GNB4: variants seen among roughly 807,000 people sequenced by gnomAD.
GNB4 encodes the protein guanine nucleotide-binding protein subunit beta-4.
Under a neutral mutation model 45.2 loss-of-function variants are expected in GNB4, and 28 were observed. That is an observed-to-expected ratio of 0.62 (90% CI 0.46 to 0.85). The LOEUF (loss-of-function observed/expected upper bound fraction) is 0.85, where lower values mean the gene tolerates loss of function less well. Ranked by LOEUF, GNB4 falls within the 40% of genes least tolerant of loss-of-function variation. The pLI, the probability that GNB4 is intolerant of heterozygous loss-of-function variation, is 0.00. For missense variants in GNB4, 321 were observed against 425.4 expected (o/e 0.75, Z 2.16); for synonymous variants, 132 against 143.7 (o/e 0.92, Z 0.58).
At chr3:179,458,093 C>T in the GNB4 span, among the ~76,000 whole-genome samples, 1 of 152,078 alleles carries the variant, frequency 6.6e-6, no homozygotes, top group Non-Finnish European at 1.5e-5. Flanking sequence ...TCAGTACAGA[C>T]GGGGTTTCAC....
upstream of GNB4, among the ~76,000 whole-genome samples, chr3:179,455,507 G>T (rs571281365): frequency 6.6e-6 from 1 of 152,164 alleles, no homozygotes; most frequent in Middle Eastern, 3.2e-3. Flanking sequence ...CAACACTGGT[G>T]CCATCTCTCA....
chr3:179,471,161 A>C, the GNB4 span, among the ~76,000 whole-genome samples: 4 of 139,392 alleles, frequency 2.9e-5, no homozygotes, highest in Non-Finnish European at 6.2e-5. Flanking sequence ...CCTGGGCAAC[A>C]GAGCGAGACT....
At chr3:179,525,282 G>T in the GNB4 span, among the ~76,000 whole-genome samples, 1 of 152,198 alleles carries the variant, frequency 6.6e-6, no homozygotes, top group African/African-American at 2.4e-5. Context: ...TATCGAGTTT[G>T]TATTGGGGCC....
chr3:179,454,677 G>A (rs568671094), upstream of GNB4, among the ~76,000 whole-genome samples: 1 of 152,060 alleles, frequency 6.6e-6, no homozygotes, highest in East Asian at 1.9e-4. Flanking sequence ...GCTCTCAGAC[G>A]ATGCCAAGCA....
chr3:179,470,953 G>A, the GNB4 span, among the ~76,000 whole-genome samples: 4 of 152,122 alleles, frequency 2.6e-5, no homozygotes, highest in South Asian at 2.1e-4. Flanking sequence ...ACTGAGGAGG[G>A]CGGATCACGA....
the GNB4 span, among the ~76,000 whole-genome samples, chr3:179,497,737 A>C: frequency 6.6e-5 from 10 of 152,318 alleles, 1 homozygote; most frequent in African/African-American, 2.4e-4. Context: ...CGAGCAAAGC[A>C]CCTGAATGGA....
chr3:179,499,053 T>C, the GNB4 span, among the ~76,000 whole-genome samples: 1 of 152,086 alleles, frequency 6.6e-6, no homozygotes, highest in Non-Finnish European at 1.5e-5. Flanking sequence ...CTGAGAATGA[T>C]GGTTTCCAGC....
At chr3:179,460,059 T>C in the GNB4 span, among the ~76,000 whole-genome samples, 1 of 152,242 alleles carries the variant, frequency 6.6e-6, no homozygotes, top group African/African-American at 2.4e-5. Flanking sequence ...GAAATAAACT[T>C]GAGTTCTCAT....
intron 1 of GNB4, among the ~76,000 whole-genome samples, chr3:179,434,488 AGGT>A (rs1425143001): frequency 6.6e-6 from 1 of 152,260 alleles, no homozygotes; most frequent in East Asian, 1.9e-4. Flanking sequence ...TGAGAGGCTG[AGGT>A]GGGAAGATCA....
At chr3:179,482,551 A>G in the GNB4 span, among the ~76,000 whole-genome samples, 2 of 152,166 alleles carry the variant, frequency 1.3e-5, no homozygotes, top group Non-Finnish European at 2.9e-5. Context: ...CTTTCCTTCC[A>G]TCTCATAACT....
intron 1 of GNB4, among the ~76,000 whole-genome samples, chr3:179,447,273 A>G (rs1244857599): frequency 3.3e-5 from 5 of 150,458 alleles, no homozygotes; most frequent in Admixed American, 2.7e-4. Context: ...GAAGAGAGTG[A>G]GCAGGGCAGA....
chr3:179,502,441 C>T, the GNB4 span, among the ~76,000 whole-genome samples: 1 of 151,812 alleles, frequency 6.6e-6, no homozygotes, highest in African/African-American at 2.4e-5. Flanking sequence ...CTATGTTGGC[C>T]ACGCTGCTCT....
the GNB4 span, among the ~76,000 whole-genome samples, chr3:179,523,723 G>A: frequency 6.6e-6 from 1 of 152,104 alleles, no homozygotes; most frequent in African/African-American, 2.4e-5. Flanking sequence ...GGATAGTAAT[G>A]GGCGTGTGAT....
At chr3:179,431,068 A>G (rs2108608492) in intron 1 of GNB4, among the ~76,000 whole-genome samples, 1 of 152,328 alleles carries the variant, frequency 6.6e-6, no homozygotes, top group African/African-American at 2.4e-5. Flanking sequence ...AACAGAAATT[A>G]TTTAATATCT....
chr3:179,428,135 T>C (rs1715199969), intron 1 of GNB4, among the ~76,000 whole-genome samples: 2 of 152,222 alleles, frequency 1.3e-5, no homozygotes, highest in Non-Finnish European at 1.5e-5. Context: ...TATTTATTCT[T>C]TCAGAATTCA....
chr3:179,405,344 G>A lies in GNB4; in HGVS notation c.762C>T (p.Asp254=), dbSNP rs1714434327. 6.2e-7 allele frequency: 1 copy of A among 1,613,904 alleles called. No homozygotes were observed. Among genetic ancestry groups the A allele is most frequent in the Non-Finnish European group, 8.5e-7 (1 of 1,179,902 alleles). Residue 254 remains aspartate (D), a synonymous_variant, in exon 9 of 10, where the codon GAC becomes GAT. Transcript: ENST00000232564. ...GSDDATCRLF[D]LRADQELLLY... is the part of the protein sequence containing the mutation. Reference sequence around the variant, plus strand: ...ATAATAACTCTTGATCTGCACGAAGGTCAAAGAGCCGGCAAGTGGCATCAT... The same window carrying A: ...ATAATAACTCTTGATCTGCACGAAGATCAAAGAGCCGGCAAGTGGCATCAT...
chr3:179,420,422 G>A (rs887195490), intron 3 of GNB4, among the ~76,000 whole-genome samples: 2 of 149,906 alleles, frequency 1.3e-5, no homozygotes, highest in Non-Finnish European at 3.0e-5. Flanking sequence ...TTACAGACAT[G>A]AGCCACCATG....
chr3:179,494,907 CAAAAAAA>C, the GNB4 span, among the ~76,000 whole-genome samples: 2 of 33,990 alleles, frequency 5.9e-5, no homozygotes, highest in Non-Finnish European at 1.1e-4. Context: ...GACTCTGTCT[CAAAAAAA>C]AAAAAAAAAA....
chr3:179,434,478 T>C (rs1352438881), intron 1 of GNB4, among the ~76,000 whole-genome samples: 1 of 152,048 alleles, frequency 6.6e-6, no homozygotes, highest in Non-Finnish European at 1.5e-5. Context: ...CTCAGAGCTT[T>C]GAGAGGCTGA....
Sources: allele counts gnomAD v4.1 joint callset (sites outside exome capture counted in the v4.1 genomes callset), GRCh38; gene constraint gnomAD v4.1.1; transcripts MANE v1.5; gene names NCBI Gene and HGNC (gene_info 2026-07-23, HGNC 2026-07-21).